Variants in TENM1 observed in about 807,000 individuals in gnomAD.
TENM1 encodes teneurin transmembrane protein 1, also known as teneurin-1.
In TENM1, 35 loss-of-function variants were observed where a neutral mutation model predicts 174.8. That is an observed-to-expected ratio of 0.20 (90% CI 0.15 to 0.27). The LOEUF is 0.27. Among genes scored for constraint, TENM1 ranks in the 10% least tolerant of loss-of-function variants. The pLI, the probability that TENM1 is intolerant of heterozygous loss-of-function variation, is 1.00. For missense variants in TENM1, 1,633 were observed against 2,130.1 expected (o/e 0.77, Z 4.59); for synonymous variants, 781 against 798.7 (o/e 0.98, Z 0.37).
At chrX:124,712,640 C>A (rs2053085920) in intron 4 of TENM1, among the ~76,000 whole-genome samples, 1 of 110,014 alleles carries the variant, frequency 9.1e-6, no homozygotes, top group Non-Finnish European at 1.9e-5. Flanking sequence ...TGCCACCATG[C>A]CCAGCTAATT....
exon 17 of TENM1, chrX:124,523,369 G>T (rs1464463997): frequency 3.3e-6 from 4 of 1,209,823 alleles, no homozygotes; most frequent in Non-Finnish European, 4.5e-6. Flanking sequence ...CTCACCTGCA[G>T]CTCAGGAACA....
chrX:124,919,685 A>G (rs959477324), intron 1 of TENM1, among the ~76,000 whole-genome samples: 15 of 111,682 alleles, frequency 1.3e-4, no homozygotes, highest in Non-Finnish European at 2.6e-4. Context: ...CTACATGGTG[A>G]ATACATAAAA....
At chrX:124,421,378 G>A (rs1342432100) in intron 24 of TENM1, among the ~76,000 whole-genome samples, 1 of 112,032 alleles carries the variant, frequency 8.9e-6, no homozygotes, top group Non-Finnish European at 1.9e-5. Context: ...ACTAATTGTC[G>A]AAGAAAACAT....
At chrX:124,847,454 T>C (rs144109694) in intron 3 of TENM1, among the ~76,000 whole-genome samples, 1,947 of 111,432 alleles carry the variant, frequency 0.017, 39 homozygotes, top group African/African-American at 0.061. Context: ...TGTCTGTAAC[T>C]TCTGTATTGG....
rs140517614 is a variant in TENM1, at chrX:124,497,154, T to C, written c.3557A>G (p.Asn1186Ser). Residue 1186 changes from asparagine to serine, a missense_variant, in exon 20 of 32, where the codon AAT (asparagine) becomes AGT (serine). Physicochemically the swap from Asn to Ser is conservative, Grantham distance 46. Coordinates refer to ENST00000422452, the Ensembl canonical transcript of TENM1. The stretch of plus-strand genomic sequence containing the variant: ...GAGTTTGTTGTTGTGGGCTGGGCCA[T>C]TGCAGTTGGTGCAGGCTACACTCCT... The C allele has an allele frequency of 1.2e-5, 15 of 1,208,194 alleles. No individual in the cohort carries two copies. The highest frequency in any genetic ancestry group is 4.6e-4 in the Middle Eastern group (2 of 4,342).
rs763609916 is a variant in TENM1 at position 124,962,837 on chromosome X, C to T, written c.217+700G>A. On this transcript the variant is annotated intron_variant, in intron 1 of 31. Transcript: ENST00000422452. ...TGTCTCAAAACAAGACAAAACAAAA[C>T]AAAACAAAACAAAACAAAAAAACAA... Among the ~76,000 whole-genome samples the T allele has an allele frequency of 6.3e-5, 7 of 111,066 alleles. No individual in the cohort carries two copies. The South Asian group carries it at 2.7e-3, about 42-fold the overall frequency.
the TENM1 span, among the ~76,000 whole-genome samples, chrX:125,126,543 G>C: frequency 0.013 from 1,474 of 111,028 alleles, 28 homozygotes; most frequent in African/African-American, 0.045. Context: ...GTACCAAGGG[G>C]GGAACATTAA....
At chrX:125,197,990 G>A in the TENM1 span, among the ~76,000 whole-genome samples, 1 of 111,668 alleles carries the variant, frequency 9.0e-6, no homozygotes, top group Non-Finnish European at 1.9e-5. Context: ...GACTTGACAT[G>A]GATTGCAATT....
the TENM1 span, among the ~76,000 whole-genome samples, chrX:124,985,347 T>C: frequency 8.9e-6 from 1 of 112,496 alleles, no homozygotes; most frequent in South Asian, 3.7e-4. Flanking sequence ...TTGCTAAATT[T>C]ATTTAAAAAT....
intron 4 of TENM1, among the ~76,000 whole-genome samples, chrX:124,722,449 A>G (rs779374740): frequency 9.0e-6 from 1 of 111,473 alleles, no homozygotes; most frequent in Non-Finnish European, 1.9e-5. Context: ...CCAACTTTAG[A>G]TAAGAGTGGG....
the TENM1 span, among the ~76,000 whole-genome samples, chrX:125,083,130 T>C: frequency 9.0e-6 from 1 of 111,126 alleles, no homozygotes; most frequent in Non-Finnish European, 1.9e-5. Flanking sequence ...TGAATAGTGG[T>C]GGATATCACC....
Position 124,520,632 on chromosome X carries a change from C to A in TENM1, c.3186G>T (p.Val1062=), listed in dbSNP as rs146802859. The change falls in exon 18 of 32, where the codon GTG becomes GTT. Residue 1062 remains valine (V), a synonymous_variant. Transcript: ENST00000422452. ...ACCACTTCTGTGTGAGTCGCCCTTC[C>A]ACAGCTACTGTGAGGTGTACTTTTA... 6.9e-4 allele frequency: 832 copies of A among 1,208,851 alleles called. No individual in the cohort carries two copies. The highest frequency in any genetic ancestry group is 8.0e-4 in the Non-Finnish European group (719 of 894,958).
intron 3 of TENM1, among the ~76,000 whole-genome samples, chrX:124,739,972 C>T (rs756853073): frequency 9.0e-6 from 1 of 111,711 alleles, no homozygotes; most frequent in African/African-American, 3.2e-5. Flanking sequence ...GTAGGTTTTC[C>T]CCTTGAAGAT....
chrX:124,542,229 G>A (rs2048335349), intron 15 of TENM1, among the ~76,000 whole-genome samples: 1 of 112,193 alleles, frequency 8.9e-6, no homozygotes, highest in Non-Finnish European at 1.9e-5. Context: ...CCATTACTTG[G>A]AACAATTTGC....
intron 3 of TENM1, among the ~76,000 whole-genome samples, chrX:124,834,265 G>A (rs756011559): frequency 3.0e-3 from 337 of 111,816 alleles, no homozygotes; most frequent in Non-Finnish European, 4.9e-3. Context: ...TCTGTCTCCT[G>A]AGTTCAAGCA....
the TENM1 span, among the ~76,000 whole-genome samples, chrX:124,978,730 A>G: frequency 9.0e-6 from 1 of 111,641 alleles, no homozygotes; most frequent in Non-Finnish European, 1.9e-5. Flanking sequence ...TATGTGTTCT[A>G]TTCTCCGACA....
At chrX:124,907,053 A>G (rs1181220980) in intron 1 of TENM1, among the ~76,000 whole-genome samples, 1 of 111,749 alleles carries the variant, frequency 8.9e-6, no homozygotes, top group Non-Finnish European at 1.9e-5. Flanking sequence ...CGTATACTCT[A>G]TATATAGTTT....
intron 4 of TENM1, among the ~76,000 whole-genome samples, chrX:124,711,356 C>T (rs759902514): frequency 5.4e-5 from 6 of 112,073 alleles, no homozygotes; most frequent in Non-Finnish European, 9.4e-5. Context: ...AGGGTATCTG[C>T]TAGCACTAAA....
intron 8 of TENM1, 23 bp from the exon 12 acceptor site, chrX:124,646,833 A>T (rs771526799): frequency 6.8e-6 from 7 of 1,034,149 alleles, no homozygotes; most frequent in African/African-American, 1.9e-5. Flanking sequence ...AGAAAAAGAT[A>T]AAAAAAATGA....
Sources: allele counts gnomAD v4.1 joint callset (sites outside exome capture counted in the v4.1 genomes callset), GRCh38; gene constraint gnomAD v4.1.1; transcripts MANE v1.5; gene names NCBI Gene and HGNC (gene_info 2026-07-23, HGNC 2026-07-21).